ADAMTS9: variants seen among roughly 807,000 people sequenced by gnomAD.
The protein encoded by ADAMTS9 is ADAM metallopeptidase with thrombospondin type 1 motif 9, also known as A disintegrin and metalloproteinase with thrombospondin motifs 9.
A neutral mutation model predicts 257.1 loss-of-function variants in ADAMTS9; 107 were observed. That is an observed-to-expected ratio of 0.42 (90% CI 0.36 to 0.49). The LOEUF (loss-of-function observed/expected upper bound fraction) is 0.49. ADAMTS9 is among the 20% of genes least tolerant of loss of function. The pLI is 0.03. For synonymous variants in ADAMTS9, 982 were observed against 880.9 expected, an observed-to-expected ratio of 1.11 and a Z score of -2.03; for missense variants, 2,353 against 2,469.1, an observed-to-expected ratio of 0.95 and a Z score of 1.00.
intron 36 of ADAMTS9, among the ~76,000 whole-genome samples, chr3:64,540,714 G>T (rs1418238411): frequency 6.6e-6 from 1 of 152,128 alleles, no homozygotes; most frequent in Non-Finnish European, 1.5e-5. Context: ...TGACCTTAGG[G>T]TCTCTATTTC....
Position 64,568,385 on chromosome 3 carries a change from C to G in ADAMTS9, c.4507G>C (p.Ala1503Pro). The G allele has an allele frequency of 6.2e-7, 1 of 1,610,076 alleles. No individual in the cohort carries two copies. Among genetic ancestry groups the G allele is most frequent in the Non-Finnish European group, 8.5e-7 (1 of 1,178,986 alleles). ...CRGGRCPKWKAGAWSQCSVSC... is the reference protein window; with the variant it reads ...CRGGRCPKWKPGAWSQCSVSC... ...TTGCTCACCTGACTCCAAGCGCCAG[C>G]TTTCCATTTGGGGCATCTTCCTCCT... Residue 1503 changes from alanine (A) to proline (P), a missense_variant, in exon 29 of 40, where the codon GCT becomes CCT. Around this residue, in one of 3 missense-constraint regions of ADAMTS9, gnomAD observed 1,402 missense variants for 1,441.4 expected, o/e 0.97. Coordinates refer to ENST00000498707, the MANE Select transcript of ADAMTS9 (RefSeq NM_182920.2).
At position 64,594,297 on chromosome 3, in the gene ADAMTS9, A is replaced by C; in HGVS notation, c.4317T>G (p.Cys1439Trp). Residue 1439 changes from cysteine to tryptophan, a missense_variant, in exon 28 of 40, where the codon TGT becomes TGG. Coordinates refer to ENST00000498707, the MANE Select transcript of ADAMTS9 (RefSeq NM_182920.2). Reference sequence around the variant, plus strand: ...CAGTACTCCATGCAGCGTCGTGTGGACAAGCATGTGTGTTACACTGCTCAC... The same window carrying C: ...CAGTACTCCATGCAGCGTCGTGTGGCCAAGCATGTGTGTTACACTGCTCAC... ...PDREQCNTHA[C>W]PHDAAWSTGP... is the part of the protein sequence containing the mutation. 6.2e-7 allele frequency: 1 copy of C among 1,611,770 alleles called. No individual in the cohort carries two copies. The highest frequency in any genetic ancestry group is 8.5e-7 in the Non-Finnish European group (1 of 1,179,140).
intron 19 of ADAMTS9, among the ~76,000 whole-genome samples, chr3:64,616,371 A>T (rs2084765966): frequency 6.6e-6 from 1 of 152,234 alleles, no homozygotes; most frequent in South Asian, 2.1e-4. Context: ...CAATGTACAT[A>T]GAAGTCACAG....
At chr3:64,564,971 G>A (rs1227253429) in intron 29 of ADAMTS9, among the ~76,000 whole-genome samples, 4 of 152,188 alleles carry the variant, frequency 2.6e-5, no homozygotes, top group South Asian at 2.1e-4. Context: ...ATGTGCGTTT[G>A]CGATCCCAGT....
chr3:64,541,263 G>A, intron 35 of ADAMTS9, 35 bp from the exon 36 acceptor site: 1 of 1,614,032 alleles, frequency 6.2e-7, no homozygotes, highest in South Asian at 1.1e-5. Context: ...GTAAGGATGG[G>A]AAAGCATTTC....
At chr3:64,558,993 T>A (rs893357445) in intron 30 of ADAMTS9, among the ~76,000 whole-genome samples, 12 of 152,086 alleles carry the variant, frequency 7.9e-5, no homozygotes, top group African/African-American at 2.9e-4. Context: ...TGAGAGGCGG[T>A]GGCAGCAAGA....
chr3:64,616,639 G>C (rs1024906684), intron 19 of ADAMTS9, among the ~76,000 whole-genome samples: 22 of 152,198 alleles, frequency 1.4e-4, no homozygotes, highest in African/African-American at 5.1e-4. Flanking sequence ...ATTATGGGGG[G>C]ACACAGTAGG....
At chr3:64,606,849 G>A in intron 23 of ADAMTS9, 111 bp downstream of exon 23, 1 of 1,304,880 alleles carries the variant, frequency 7.7e-7, no homozygotes, top group South Asian at 1.4e-5. Flanking sequence ...TCTACTGGTT[G>A]CTCTACTGAC....
At chr3:64,601,675 G>C (rs569562409) in intron 26 of ADAMTS9, among the ~76,000 whole-genome samples, 1 of 152,004 alleles carries the variant, frequency 6.6e-6, no homozygotes, top group Admixed American at 6.5e-5. Context: ...TGGTATTTAC[G>C]GTACCTCCAG....
chr3:64,642,137 G>T, intron 11 of ADAMTS9, 144 bp from the exon 12 acceptor site: 1 of 927,768 alleles, frequency 1.1e-6, no homozygotes. Context: ...TATGAATAAT[G>T]GAAGCTATAG....
intron 28 of ADAMTS9, among the ~76,000 whole-genome samples, chr3:64,577,548 G>C (rs965156447): frequency 6.6e-6 from 1 of 152,214 alleles, no homozygotes; most frequent in Non-Finnish European, 1.5e-5. Flanking sequence ...GTCTGAGTAA[G>C]TAATTGGTGG....
At chr3:64,667,583 T>C (rs1576177909) in intron 3 of ADAMTS9, among the ~76,000 whole-genome samples, 1 of 151,956 alleles carries the variant, frequency 6.6e-6, no homozygotes. Flanking sequence ...TCTAAGGGGG[T>C]GGGTGCCTCC....
chr3:64,636,632 G>A (rs993748480), intron 12 of ADAMTS9, among the ~76,000 whole-genome samples: 1 of 152,192 alleles, frequency 6.6e-6, no homozygotes, highest in African/African-American at 2.4e-5. Context: ...TGCATGGTTT[G>A]TGAGCTAAGA....
chr3:64,641,625 T>G (rs1257330093), intron 12 of ADAMTS9, among the ~76,000 whole-genome samples: 1 of 151,558 alleles, frequency 6.6e-6, no homozygotes, highest in Non-Finnish European at 1.5e-5. Flanking sequence ...ACCTGTTTGG[T>G]AGATAAAACT....
At chr3:64,632,207 T>G (rs1700383981) in intron 14 of ADAMTS9, among the ~76,000 whole-genome samples, 1 of 152,098 alleles carries the variant, frequency 6.6e-6, no homozygotes, top group South Asian at 2.1e-4. Context: ...ATTCCTCAGG[T>G]GCTTCATCTA....
intron 16 of ADAMTS9, among the ~76,000 whole-genome samples, chr3:64,626,540 G>A (rs1031928764): frequency 8.5e-5 from 13 of 152,130 alleles, no homozygotes; most frequent in African/African-American, 2.9e-4. Context: ...GAGTACCAAA[G>A]GTGGGAGGAT....
chr3:64,526,721 C>T (rs558431326), intron 38 of ADAMTS9, among the ~76,000 whole-genome samples: 3 of 152,210 alleles, frequency 2.0e-5, no homozygotes, highest in African/African-American at 7.2e-5. Flanking sequence ...CTTGAACAAC[C>T]TCTTTACGCC....
At chr3:64,640,269 C>T (rs1173834364) in intron 12 of ADAMTS9, among the ~76,000 whole-genome samples, 1 of 152,196 alleles carries the variant, frequency 6.6e-6, no homozygotes, top group African/African-American at 2.4e-5. Flanking sequence ...ATTTGTAGTA[C>T]AGAGTACTGA....
At chr3:64,658,415 A>G in intron 4 of ADAMTS9, 87 bp downstream of exon 4, 1 of 1,364,326 alleles carries the variant, frequency 7.3e-7, no homozygotes, top group South Asian at 1.4e-5. Flanking sequence ...CCAGTTCTGA[A>G]TGGTCCTCCA....
Sources: allele counts gnomAD v4.1 joint callset (sites outside exome capture counted in the v4.1 genomes callset), GRCh38; gene constraint gnomAD v4.1.1; regional missense constraint gnomAD v4.1.1; transcripts MANE v1.5; gene names NCBI Gene and HGNC (gene_info 2026-07-23, HGNC 2026-07-21).